Variants in CDON observed in about 807,000 individuals in gnomAD.
CDON encodes cell adhesion molecule-related/down-regulated by oncogenes.
In CDON, 73 loss-of-function variants were observed where a neutral mutation model predicts 120.9. The ratio of observed to expected loss-of-function variants is 0.60; its 90% confidence interval spans 0.50 to 0.73. The LOEUF (loss-of-function observed/expected upper bound fraction) is 0.73. CDON is among the 30% of genes least tolerant of loss of function. The pLI is 0.00. For missense variants in CDON, 1,470 were observed against 1,587.3 expected (o/e 0.93, Z 1.26); for synonymous variants, 566 against 573.5 (o/e 0.99, Z 0.19).
rs1947008539 is a variant in CDON, at chr11:126,003,258, C to T, written c.2026+644G>A. ...AGGCATTCAATAAATATTAGCTGAA[C>T]TGAATACTGTCTTGTAGTTGGTATT... On this transcript the variant is annotated intron_variant, in intron 10 of 19. Transcript: ENST00000531738. 5.3e-5 allele frequency among the ~76,000 whole-genome samples: 8 copies of T among 152,172 alleles called. No individual in the cohort carries two copies. In the South Asian group the frequency reaches 1.7e-3, roughly 32 times the overall value.
chr11:126,010,516 T>C lies in CDON; in HGVS notation c.1377A>G (p.Lys459=). ...PSQVLRSKSR[K]SQLSRPEGLN... ...AGCCCTCAGGTCTTGATAACTGTGA[T>C]TTTCGGGATTTCGATCTCAGGACTT... is the stretch of plus-strand genomic sequence containing the variant. Residue 459 remains lysine (K), a synonymous_variant, in exon 8 of 20, where the codon AAA becomes AAG. Coordinates refer to ENST00000531738, the MANE Select transcript of CDON (RefSeq NM_001378964.1). 1 of 1,614,120 alleles carries C rather than the reference T, an allele frequency of 6.2e-7. No homozygotes were observed. The highest frequency in any genetic ancestry group is 8.5e-7 in the Non-Finnish European group (1 of 1,180,016).
At chr11:125,974,390 A>AGGGAGGGATGG in intron 18 of CDON, among the ~76,000 whole-genome samples, 1 of 46,056 alleles carries the variant, frequency 2.2e-5, no homozygotes, top group South Asian at 8.5e-4. Context: ...GGAAGGAAGG[A>AGGGAGGGATGG]AGGGAGGGAG....
chr11:126,038,839 G>A (rs1402912962), intron 1 of CDON, among the ~76,000 whole-genome samples: 1 of 152,114 alleles, frequency 6.6e-6, no homozygotes, highest in Non-Finnish European at 1.5e-5. Flanking sequence ...AGGATCAGAT[G>A]GCAAGTGTAG....
intron 1 of CDON, among the ~76,000 whole-genome samples, chr11:126,053,879 T>C (rs896436883): frequency 2.6e-5 from 4 of 151,904 alleles, no homozygotes; most frequent in Admixed American, 1.3e-4. Flanking sequence ...TGTTATTCAC[T>C]GTGTTGTTGT....
In CDON at chr11:125,959,254, T is replaced by C. The variant is rs1945572989; in HGVS notation, c.*1688A>G. On this transcript the variant is annotated 3_prime_UTR_variant, in exon 20 of 20. Transcript: ENST00000531738. ...TACAGAAAGTTGGTTAACACAGTAT[T>C]GTATTCTATTCCACTGCGATTTCTG... 2 of 152,204 alleles carry C rather than the reference T, an allele frequency of 1.3e-5. No individual in the cohort carries two copies. Among genetic ancestry groups the C allele is most frequent in the South Asian group, 2.1e-4 (1 of 4,828 alleles). 9.4% of individuals were successfully genotyped at this position (152,204 alleles called of 1,614,324 possible).
At chr11:126,017,735 A>G (rs1490681441) in intron 5 of CDON, among the ~76,000 whole-genome samples, 2 of 151,074 alleles carry the variant, frequency 1.3e-5, no homozygotes, top group Admixed American at 6.6e-5. Flanking sequence ...ATTCACAGAC[A>G]TCAATTTAAT....
chr11:126,062,077 G>A (rs143457249), intron 1 of CDON, among the ~76,000 whole-genome samples: 233 of 152,306 alleles, frequency 1.5e-3, no homozygotes, highest in African/African-American at 5.3e-3. Flanking sequence ...AGAGGAGAAG[G>A]AAAAATACAC....
chr11:126,009,397 G>C (rs1947226949), intron 8 of CDON, among the ~76,000 whole-genome samples: 1 of 152,210 alleles, frequency 6.6e-6, no homozygotes, highest in East Asian at 1.9e-4. Context: ...CCAGACTGTG[G>C]CGGATGGGCC....
intron 4 of CDON, among the ~76,000 whole-genome samples, chr11:126,019,384 T>C (rs151028025): frequency 1.3e-5 from 2 of 152,156 alleles, no homozygotes; most frequent in African/African-American, 2.4e-5. Context: ...GATAGGACCA[T>C]GAGGGCTATC....
At chr11:125,981,417 C>T in intron 16 of CDON, 88 bp from the exon 17 acceptor site, 1 of 1,355,864 alleles carries the variant, frequency 7.4e-7, no homozygotes. Context: ...CACACATGCA[C>T]ATACGCACAC....
intron 9 of CDON, chr11:126,005,515 A>T: frequency 1.8e-6 from 1 of 548,212 alleles, no homozygotes; most frequent in South Asian, 2.1e-5. Context: ...AAAACATTTG[A>T]ATACACATGT....
chr11:126,020,668 G>A (rs1230373000), intron 3 of CDON, among the ~76,000 whole-genome samples: 1 of 152,306 alleles, frequency 6.6e-6, no homozygotes, highest in East Asian at 1.9e-4. Context: ...CGTTTGAAAC[G>A]CAGATGGCTC....
intron 12 of CDON, among the ~76,000 whole-genome samples, chr11:125,995,623 T>C (rs1449198421): frequency 6.6e-6 from 1 of 152,202 alleles, no homozygotes; most frequent in African/African-American, 2.4e-5. Flanking sequence ...TTAGGAACTT[T>C]AAAAAATGTA....
At chr11:126,014,992 T>C (rs1947418221) in intron 7 of CDON, 3 of 510,606 alleles carry the variant, frequency 5.9e-6, no homozygotes, top group African/African-American at 3.8e-5. Flanking sequence ...GATTGTACCA[T>C]ATAGATTTTT....
chr11:125,968,308 CTT>C (rs1195565544), intron 18 of CDON, among the ~76,000 whole-genome samples: 8 of 152,242 alleles, frequency 5.3e-5, no homozygotes, highest in South Asian at 2.1e-4. Flanking sequence ...TTTTTCTGCT[CTT>C]GTCTTTAATT....
chr11:126,034,173 C>A lies in CDON; in HGVS notation c.-61-10636G>T, dbSNP rs1948028947. On this transcript the variant is annotated intron_variant, in intron 1 of 19. Transcript: ENST00000531738. This position sits in a 1 kb window ranked among gnomAD's most constrained non-coding sequence, Gnocchi z 4.5. ...ACCTACAGACTTCGCAACCCTTCCC[C>A]CACTTCTCCCAAGTCTCAGTCGAGT... 6.6e-6 allele frequency among the ~76,000 whole-genome samples: 1 copy of A among 152,116 alleles called. No individual in the cohort carries two copies. Among genetic ancestry groups the A allele is most frequent in the South Asian group, 2.1e-4 (1 of 4,824 alleles).
chr11:125,971,431 A>G (rs1348865702), intron 18 of CDON, among the ~76,000 whole-genome samples: 1 of 150,670 alleles, frequency 6.6e-6, no homozygotes, highest in Non-Finnish European at 1.5e-5. Context: ...TAATGTTCTC[A>G]TATTCATCTC....
At chr11:126,008,087 A>T (rs1013645133) in intron 8 of CDON, among the ~76,000 whole-genome samples, 1 of 152,196 alleles carries the variant, frequency 6.6e-6, no homozygotes, top group African/African-American at 2.4e-5. Context: ...TGCTGCCAGC[A>T]ACTCACAACC....
At chr11:126,052,115 C>G (rs1948575055) in intron 1 of CDON, among the ~76,000 whole-genome samples, 1 of 148,126 alleles carries the variant, frequency 6.8e-6, no homozygotes, top group Non-Finnish European at 1.5e-5. Flanking sequence ...CAAAACAAAA[C>G]AAAACAAAAA....
Sources: allele counts gnomAD v4.1 joint callset (sites outside exome capture counted in the v4.1 genomes callset), GRCh38; gene constraint gnomAD v4.1.1; non-coding constraint Gnocchi (gnomAD v3.1); transcripts MANE v1.5; gene names NCBI Gene and HGNC (gene_info 2026-07-23, HGNC 2026-07-21).